PIGL: variants seen among roughly 807,000 people sequenced by gnomAD.
The protein encoded by PIGL is phosphatidylinositol glycan anchor biosynthesis class L, also known as N-acetylglucosaminyl-phosphatidylinositol de-N-acetylase.
Under a neutral mutation model 31.1 loss-of-function variants are expected in PIGL, and 22 were observed. The observed-to-expected ratio is 0.71, with a 90% CI of 0.51 to 1.01. The LOEUF (loss-of-function observed/expected upper bound fraction) is 1.01. PIGL is among the 50% of genes least tolerant of loss of function. The probability of loss-of-function intolerance (pLI) is 0.00; values close to 1 mark genes in which losing one functional copy is unlikely to be tolerated. For missense variants in PIGL, 302 were observed against 315.9 expected, an observed-to-expected ratio of 0.96 and a Z score of 0.33; for synonymous variants, 131 against 117.4, an observed-to-expected ratio of 1.12 and a Z score of -0.75.
chr17:16,309,084 C>A (rs940757752), intron 3 of PIGL, among the ~76,000 whole-genome samples: 3 of 152,166 alleles, frequency 2.0e-5, no homozygotes, highest in Non-Finnish European at 4.4e-5. Flanking sequence ...AGACACTGTG[C>A]CCAGCCAAAC....
chr17:16,247,254 A>G (rs1165523176), intron 2 of PIGL, among the ~76,000 whole-genome samples: 1 of 152,164 alleles, frequency 6.6e-6, no homozygotes, highest in Non-Finnish European at 1.5e-5. Flanking sequence ...TGAGGACACT[A>G]TTCAGTTCAT....
Position 16,316,732 on chromosome 17 carries a change from C to T in PIGL, c.526+20C>T. On this transcript the variant is annotated intron_variant, in intron 5 of 6. Transcript: ENST00000225609. ...CTAAAGGTAAGGCTTGTTCCTTTTGCAAAGGGCCACAAGATACTGTCCCTC... is the reference window on the plus strand; with the variant it reads ...CTAAAGGTAAGGCTTGTTCCTTTTGTAAAGGGCCACAAGATACTGTCCCTC... The T allele has an allele frequency of 6.2e-7, 1 of 1,609,774 alleles. No homozygotes were observed. The highest frequency in any genetic ancestry group is 8.5e-7 in the Non-Finnish European group (1 of 1,176,406).
chr17:16,219,195 C>T (rs1048904998), intron 1 of PIGL, among the ~76,000 whole-genome samples: 7 of 151,374 alleles, frequency 4.6e-5, no homozygotes, highest in South Asian at 4.2e-4. Context: ...TACAGGCGCC[C>T]GCCCGCCACC....
intron 2 of PIGL, among the ~76,000 whole-genome samples, chr17:16,258,098 AGAGAAAG>A (rs1568802811): frequency 1.2e-4 from 16 of 130,286 alleles, no homozygotes; most frequent in Non-Finnish European, 2.3e-4. Flanking sequence ...AGAGAGAGAG[AGAGAAAG>A]AGAGAGAGAG....
chr17:16,249,216 C>T (rs1307850500), intron 2 of PIGL, among the ~76,000 whole-genome samples: 3 of 152,162 alleles, frequency 2.0e-5, no homozygotes, highest in East Asian at 1.9e-4. Flanking sequence ...AGTGCACTCA[C>T]GCCTGTAATC....
chr17:16,315,704 CTTTCTTT>C (rs1336825265), intron 4 of PIGL, among the ~76,000 whole-genome samples: 28 of 75,420 alleles, frequency 3.7e-4, no homozygotes, highest in African/African-American at 1.5e-3. Flanking sequence ...TTCTTTCTTT[CTTTCTTT>C]TTTTTTTTTT....
chr17:16,247,750 T>A (rs1452281572), intron 2 of PIGL, among the ~76,000 whole-genome samples: 1 of 152,206 alleles, frequency 6.6e-6, no homozygotes, highest in Non-Finnish European at 1.5e-5. Context: ...GCAGGCTTCT[T>A]TCGTCCCACC....
intron 2 of PIGL, among the ~76,000 whole-genome samples, chr17:16,288,781 C>T (rs982278115): frequency 2.0e-5 from 3 of 152,146 alleles, no homozygotes; most frequent in Admixed American, 2.0e-4. Context: ...TCAGGTGATC[C>T]GCCCACCTCA....
intron 5 of PIGL, chr17:16,317,212 GA>G (rs1264311052): frequency 9.9e-7 from 1 of 1,005,202 alleles, no homozygotes; most frequent in African/African-American, 1.7e-5. Context: ...AAGATTCAAT[GA>G]ATGAAAACGT....
chr17:16,307,495 T>C lies in PIGL; in HGVS notation c.427-6052T>C, dbSNP rs574569898. Among the ~76,000 whole-genome samples the C allele has an allele frequency of 3.9e-5, 6 of 152,334 alleles. No homozygotes were observed. In the South Asian group the frequency reaches 1.2e-3, roughly 32 times the overall value. On this transcript the variant is annotated intron_variant, in intron 3 of 6. Transcript: ENST00000225609. ...CTACACCTAGCACAGTTGGCAAGAC[T>C]CTTTCTTTACTATCATGAAGGAAAC...
chr17:16,299,447 A>C (rs1368862160), intron 2 of PIGL, among the ~76,000 whole-genome samples: 2 of 152,202 alleles, frequency 1.3e-5, no homozygotes, highest in Non-Finnish European at 2.9e-5. Context: ...CCATCTCAAA[A>C]AGAAAAAAAC....
At chr17:16,325,058 C>CT (rs1199961812) in intron 6 of PIGL, among the ~76,000 whole-genome samples, 3 of 152,050 alleles carry the variant, frequency 2.0e-5, no homozygotes, top group South Asian at 2.1e-4. Flanking sequence ...AATGTGGACT[C>CT]TAACTGGCCA....
intron 2 of PIGL, among the ~76,000 whole-genome samples, chr17:16,253,126 C>T (rs1299913731): frequency 1.3e-5 from 2 of 151,978 alleles, no homozygotes; most frequent in Non-Finnish European, 1.5e-5. Flanking sequence ...GGTCAGGATG[C>T]GCCATCACGC....
At chr17:16,313,643 G>C in intron 4 of PIGL, 29 bp downstream of exon 4, 1 of 1,558,276 alleles carries the variant, frequency 6.4e-7, no homozygotes, top group Non-Finnish European at 8.9e-7. Context: ...TGGATGTGGG[G>C]GAGGGTTTGT....
chr17:16,285,617 G>C (rs536047307), intron 2 of PIGL, among the ~76,000 whole-genome samples: 1 of 152,190 alleles, frequency 6.6e-6, no homozygotes, highest in African/African-American at 2.4e-5. Context: ...GCTTCAAGCC[G>C]TATGTGGAAA....
chr17:16,235,065 T>G (rs1024218620), intron 2 of PIGL, among the ~76,000 whole-genome samples: 3 of 152,140 alleles, frequency 2.0e-5, no homozygotes, highest in Non-Finnish European at 2.9e-5. Context: ...TAAAGAAAAC[T>G]CCAACCACCA....
At chr17:16,280,800 G>A (rs1040820884) in intron 2 of PIGL, among the ~76,000 whole-genome samples, 1 of 152,126 alleles carries the variant, frequency 6.6e-6, no homozygotes, top group South Asian at 2.1e-4. Context: ...CTATCTCCCG[G>A]GTTCAACCAA....
At chr17:16,259,192 A>G (rs1232031311) in intron 2 of PIGL, among the ~76,000 whole-genome samples, 4 of 152,156 alleles carry the variant, frequency 2.6e-5, no homozygotes, top group African/African-American at 7.2e-5. Flanking sequence ...CTGTAATGGA[A>G]GGATGAGTAG....
chr17:16,217,505 G>A lies in PIGL; in HGVS notation c.235+44G>A, dbSNP rs530944609. 5.4e-6 allele frequency: 8 copies of A among 1,476,982 alleles called. No individual in the cohort carries two copies. The African/African-American group carries it at 6.9e-5, about 13-fold the overall frequency. 91.5% of individuals were successfully genotyped at this position (1,476,982 alleles called of 1,614,324 possible). On this transcript the variant is annotated intron_variant, in intron 1 of 6. Transcript: ENST00000225609. The stretch of plus-strand genomic sequence containing the variant: ...GGCGATGGGAGCCGGGGCTTTGAAA[G>A]GGATTTAAGTGCTAACCGATCTCAG...
Sources: gnomAD v4.1 joint callset for allele counts (sites outside exome capture counted in the v4.1 genomes callset) on GRCh38, gnomAD v4.1.1 for gene constraint, MANE v1.5 for transcripts, NCBI Gene and HGNC (gene_info 2026-07-23, HGNC 2026-07-21) for gene names.